TRMT11: variants seen among roughly 807,000 people sequenced by gnomAD.
The protein encoded by TRMT11 is tRNA (guanine(10)-N(2))-methyltransferase TRMT11.
Under a neutral mutation model 62.8 loss-of-function variants are expected in TRMT11, and 53 were observed. The observed-to-expected ratio is 0.84, with a 90% CI of 0.68 to 1.06. The LOEUF (loss-of-function observed/expected upper bound fraction) is 1.06, where lower values mean the gene tolerates loss of function less well. Among genes scored for constraint, TRMT11 ranks in the 50% least tolerant of loss-of-function variants. TRMT11 has a pLI of 0.00. For missense variants in TRMT11, 556 were observed against 553.4 expected (o/e 1.00, Z -0.05); for synonymous variants, 188 against 190.3 (o/e 0.99, Z 0.10).
At chr6:126,178,899 G>A (rs531708394) in intron 1 of TRMT11, among the ~76,000 whole-genome samples, 30 of 152,076 alleles carry the variant, frequency 2.0e-4, no homozygotes, top group African/African-American at 7.0e-4. Flanking sequence ...AATTCTGCCC[G>A]AAAAACATAC....
the TRMT11 span, among the ~76,000 whole-genome samples, chr6:126,233,278 T>G: frequency 1.3e-5 from 2 of 152,196 alleles, no homozygotes; most frequent in South Asian, 4.1e-4. Context: ...ACTACAAGTT[T>G]ATTTCTCATT....
At chr6:126,236,425 A>G in the TRMT11 span, among the ~76,000 whole-genome samples, 4 of 152,198 alleles carry the variant, frequency 2.6e-5, no homozygotes, top group Non-Finnish European at 5.9e-5. Flanking sequence ...ATCTTGTCAT[A>G]GATTACCATT....
chr6:126,086,688 A>G (rs1777220359), intron 17 of TRMT11, among the ~76,000 whole-genome samples: 4 of 152,160 alleles, frequency 2.6e-5, no homozygotes, highest in Non-Finnish European at 4.4e-5. Context: ...TTGGCATTGC[A>G]TACTAGGTCT....
chr6:126,225,547 G>A, the TRMT11 span, among the ~76,000 whole-genome samples: 1 of 151,946 alleles, frequency 6.6e-6, no homozygotes, highest in South Asian at 2.1e-4. Flanking sequence ...GCTCTTCCCG[G>A]CTGCATCTAG....
At chr6:126,217,867 A>G in the TRMT11 span, among the ~76,000 whole-genome samples, 1 of 152,150 alleles carries the variant, frequency 6.6e-6, no homozygotes, top group Non-Finnish European at 1.5e-5. Context: ...AGGTGAGTCC[A>G]GAGATGCCAC....
At chr6:126,150,491 A>G (rs1778026459) in intron 21 of TRMT11, among the ~76,000 whole-genome samples, 1 of 152,212 alleles carries the variant, frequency 6.6e-6, no homozygotes, top group Non-Finnish European at 1.5e-5. Context: ...ATCCATAAGC[A>G]TGAGCACCAT....
At chr6:126,157,997 C>T (rs975357588) in intron 21 of TRMT11, among the ~76,000 whole-genome samples, 10 of 151,780 alleles carry the variant, frequency 6.6e-5, no homozygotes, top group South Asian at 2.1e-4. Flanking sequence ...ACTCATAAGC[C>T]CCTCTATATC....
the TRMT11 span, among the ~76,000 whole-genome samples, chr6:126,235,087 C>CA: frequency 3.3e-5 from 5 of 152,162 alleles, no homozygotes; most frequent in African/African-American, 1.2e-4. Flanking sequence ...ATACAGCCAA[C>CA]AAACATATGA....
intron 21 of TRMT11, among the ~76,000 whole-genome samples, chr6:126,147,303 T>G (rs1446273175): frequency 6.6e-6 from 1 of 152,216 alleles, no homozygotes; most frequent in Non-Finnish European, 1.5e-5. Context: ...ATTTTTTAGC[T>G]GTTACCTGTG....
chr6:126,259,156 A>AT, the TRMT11 span, among the ~76,000 whole-genome samples: 18 of 152,068 alleles, frequency 1.2e-4, no homozygotes, highest in South Asian at 2.1e-4. Flanking sequence ...ACATGATCTC[A>AT]TTTTTTTTAT....
At chr6:126,193,452 A>C (rs796091799) in intron 1 of TRMT11, among the ~76,000 whole-genome samples, 3 of 142,156 alleles carry the variant, frequency 2.1e-5, no homozygotes, top group African/African-American at 8.0e-5. Flanking sequence ...TAGTTCTTTT[A>C]AGTGCATTGT....
intron 21 of TRMT11, among the ~76,000 whole-genome samples, chr6:126,138,370 T>G (rs540520198): frequency 6.6e-6 from 1 of 152,132 alleles, no homozygotes; most frequent in East Asian, 1.9e-4. Flanking sequence ...AGACTTTTAC[T>G]ACAGTCAATT....
chr6:126,052,399 T>A (rs528286784), intron 16 of TRMT11, among the ~76,000 whole-genome samples: 1 of 152,330 alleles, frequency 6.6e-6, no homozygotes, highest in South Asian at 2.1e-4. Flanking sequence ...TTCCTCTCTC[T>A]TATTAAGTAA....
At position 125,993,827 on chromosome 6, in the gene TRMT11, G is replaced by A; in HGVS notation, c.138+5G>A. 6.3e-7 allele frequency: 1 copy of A among 1,598,320 alleles called. No homozygotes were observed. Among genetic ancestry groups the A allele is most frequent in the South Asian group, 1.1e-5 (1 of 90,616 alleles). On this transcript the variant is annotated splice_donor_5th_base_variant and intron_variant, in intron 2 of 12. Coordinates refer to ENST00000334379, the MANE Select transcript of TRMT11 (RefSeq NM_001031712.3). ...AGTCAAGAAACTTATGGAAAGGTAA[G>A]TTAAATTTTCATTAGACCATATGGA...
intron 21 of TRMT11, among the ~76,000 whole-genome samples, chr6:126,167,163 GA>G (rs1406743740): frequency 2.0e-5 from 3 of 152,092 alleles, no homozygotes; most frequent in East Asian, 1.9e-4. Context: ...ACTGGGGTAT[GA>G]AAAAAACTCC....
At chr6:126,101,145 G>A (rs186155480) in intron 17 of TRMT11, among the ~76,000 whole-genome samples, 2 of 152,252 alleles carry the variant, frequency 1.3e-5, no homozygotes, top group African/African-American at 4.8e-5. Flanking sequence ...CCAAGGACAG[G>A]TACTGGTCTG....
In TRMT11 at chr6:125,998,539, G is replaced by A. The variant is rs776234744; in HGVS notation, c.388-11G>A. 3 of 1,605,020 alleles carry A rather than the reference G, an allele frequency of 1.9e-6. No individual in the cohort carries two copies. Among genetic ancestry groups the A allele is most frequent in the South Asian group, 2.2e-5 (2 of 89,374 alleles). On this transcript the variant is annotated splice_polypyrimidine_tract_variant and intron_variant, in intron 5 of 12. Coordinates refer to ENST00000334379, the MANE Select transcript of TRMT11 (RefSeq NM_001031712.3). ...ATTATAAGACATCAGCATTTCTTTT[G>A]TTTCTTTTAGGCACTTGAATTTCTG...
chr6:126,213,491 A>G, the TRMT11 span, among the ~76,000 whole-genome samples: 1 of 151,878 alleles, frequency 6.6e-6, no homozygotes, highest in Non-Finnish European at 1.5e-5. Context: ...CTAGGTATTT[A>G]ATTTTATTTG....
At chr6:126,063,693 A>G (rs1361167254) in intron 17 of TRMT11, among the ~76,000 whole-genome samples, 1 of 152,206 alleles carries the variant, frequency 6.6e-6, no homozygotes, top group Non-Finnish European at 1.5e-5. Flanking sequence ...GCTGCTGCTG[A>G]TTCATGGGCC....
Sources: allele counts gnomAD v4.1 joint callset (sites outside exome capture counted in the v4.1 genomes callset), GRCh38; gene constraint gnomAD v4.1.1; transcripts MANE v1.5; gene names NCBI Gene and HGNC (gene_info 2026-07-23, HGNC 2026-07-21).